The following AFAP1L2 variants were observed in gnomAD, a reference collection of about 807,000 sequenced individuals.
AFAP1L2 encodes the protein actin filament-associated protein 1-like 2.
Under a neutral mutation model 99.3 loss-of-function variants are expected in AFAP1L2, and 46 were observed. That is an observed-to-expected ratio of 0.46 (90% CI 0.37 to 0.59). The LOEUF is 0.59. AFAP1L2 is among the 20% of genes least tolerant of loss of function. The probability of loss-of-function intolerance (pLI) is 0.00; values close to 1 mark genes in which losing one functional copy is unlikely to be tolerated. For synonymous variants in AFAP1L2, 397 were observed against 419.1 expected (o/e 0.95, Z 0.64); for missense variants, 959 against 1,034.9 (o/e 0.93, Z 1.01).
chr10:114,316,005 A>T (rs2044078106), intron 5 of AFAP1L2, among the ~76,000 whole-genome samples: 1 of 152,088 alleles, frequency 6.6e-6, no homozygotes. Context: ...ATAACTGAAA[A>T]CCAAAGTCTC....
intron 2 of AFAP1L2, among the ~76,000 whole-genome samples, chr10:114,335,751 T>C (rs779503163): frequency 1.3e-5 from 2 of 151,904 alleles, no homozygotes; most frequent in Non-Finnish European, 2.9e-5. Flanking sequence ...AGACCTAGAG[T>C]TTAATTATAA....
chr10:114,317,023 A>G (rs889514332), intron 5 of AFAP1L2, among the ~76,000 whole-genome samples: 5 of 152,208 alleles, frequency 3.3e-5, no homozygotes, highest in African/African-American at 1.2e-4. Context: ...AGGCTGAATG[A>G]CACTCTGCCT....
chr10:114,298,711 T>C (rs1166515903), intron 16 of AFAP1L2, among the ~76,000 whole-genome samples: 4 of 152,190 alleles, frequency 2.6e-5, no homozygotes, highest in South Asian at 2.1e-4. Flanking sequence ...AAATTTTAAA[T>C]GCAGCAGATT....
intron 8 of AFAP1L2, 94 bp from the exon 9 acceptor site, chr10:114,308,611 T>A: frequency 8.7e-7 from 1 of 1,149,908 alleles, no homozygotes; most frequent in East Asian, 2.4e-5. Context: ...GGCTCTTGGT[T>A]GTATGCCAGA....
intron 4 of AFAP1L2, among the ~76,000 whole-genome samples, chr10:114,326,621 T>C (rs1201676743): frequency 2.6e-5 from 4 of 152,252 alleles, no homozygotes. Context: ...CACTGCAAAA[T>C]CTGAAAATGG....
the AFAP1L2 span, among the ~76,000 whole-genome samples, chr10:114,282,868 A>G: frequency 6.6e-6 from 1 of 152,224 alleles, no homozygotes; most frequent in Non-Finnish European, 1.5e-5. Context: ...CAAAGCCAGC[A>G]CCAAACTCAG....
intron 1 of AFAP1L2, among the ~76,000 whole-genome samples, chr10:114,400,962 T>A (rs1391151236): frequency 6.6e-6 from 1 of 152,228 alleles, no homozygotes; most frequent in African/African-American, 2.4e-5. Context: ...AGATGATTCC[T>A]GAAGGTAGCA....
At chr10:114,300,820 G>A in intron 13 of AFAP1L2, 130 bp from the exon 14 acceptor site, 1 of 1,307,834 alleles carries the variant, frequency 7.6e-7, no homozygotes, top group Non-Finnish European at 1.0e-6. Context: ...CTCCCTGCTG[G>A]GGGGGCCACT....
chr10:114,371,456 C>A (rs1027847377), intron 1 of AFAP1L2, among the ~76,000 whole-genome samples: 1 of 151,810 alleles, frequency 6.6e-6, no homozygotes, highest in Non-Finnish European at 1.5e-5. Context: ...ATCAGTCCCC[C>A]GCGAAAAAAA....
chr10:114,315,860 G>T, intron 5 of AFAP1L2, 95 bp from the exon 6 acceptor site: 1 of 1,226,310 alleles, frequency 8.2e-7, no homozygotes. Flanking sequence ...AGCAGCAGCA[G>T]CCAGACCACA....
downstream of AFAP1L2, chr10:114,291,386 A>G (rs1031505954): frequency 5.6e-6 from 5 of 900,046 alleles, no homozygotes; most frequent in Non-Finnish European, 8.1e-6. Context: ...CAGGACCACT[A>G]TTCTCACTGA....
At position 114,313,986 on chromosome 10, in the gene AFAP1L2, A is replaced by G. The variant is rs2043693014; in HGVS notation, c.677T>C (p.Ile226Thr). 2 of 1,613,954 alleles carry G rather than the reference A, an allele frequency of 1.2e-6. No individual in the cohort carries two copies. Among genetic ancestry groups the G allele is most frequent in the Non-Finnish European group, 1.7e-6 (2 of 1,180,026 alleles). ...CTTCCGCACTTGCTTCTCCTTGTGA[A>G]TGACGCTGCTGCCCAGTAGGTTCAC... Reference protein sequence around the residue: ...LDVNLLGSSVIHKEKQVRKKE... With the variant: ...LDVNLLGSSVTHKEKQVRKKE... Residue 226 changes from isoleucine (I) to threonine (T), a missense_variant, in exon 7 of 19, where the codon ATT becomes ACT. Coordinates refer to ENST00000304129, the MANE Select transcript of AFAP1L2 (RefSeq NM_001001936.3).
In AFAP1L2 at chr10:114,324,786, C is replaced by T. The variant is rs538938271; in HGVS notation, c.316-1525G>A. On this transcript the variant is annotated intron_variant, in intron 4 of 18. Coordinates refer to ENST00000304129, the MANE Select transcript of AFAP1L2 (RefSeq NM_001001936.3). ...ATGGAAGCAGCAGCCAATGGAAGGA[C>T]GCTGCAGTGCCCTGAGCTCAGGTGG... Among the ~76,000 whole-genome samples the T allele has an allele frequency of 2.0e-4, 30 of 152,260 alleles. No individual in the cohort carries two copies. In the South Asian group the frequency reaches 4.4e-3, roughly 22 times the overall value.
At chr10:114,404,787 A>C, upstream of AFAP1L2, 1 of 275,140 alleles carries the variant, frequency 3.6e-6, no homozygotes, top group Non-Finnish European at 6.7e-6. Context: ...GGGGGCGTCG[A>C]GAGGGAACGA....
At chr10:114,300,822 G>A in intron 13 of AFAP1L2, 132 bp from the exon 14 acceptor site, 20 of 1,238,632 alleles carry the variant, frequency 1.6e-5, no homozygotes, top group Non-Finnish European at 2.0e-5. Flanking sequence ...CCCTGCTGGG[G>A]GGGCCACTGG....
intron 1 of AFAP1L2, among the ~76,000 whole-genome samples, chr10:114,374,551 T>C (rs374031978): frequency 2.6e-5 from 4 of 152,204 alleles, no homozygotes; most frequent in Admixed American, 6.5e-5. Flanking sequence ...TGATGAGCCA[T>C]TCTCCCTGGT....
In AFAP1L2 at chr10:114,294,909, A is replaced by G. The variant is rs2039946979; in HGVS notation, c.*1133T>C. 1 of 981,064 alleles carries G rather than the reference A, an allele frequency of 1.0e-6. No homozygotes were observed. The highest frequency in any genetic ancestry group is 6.2e-5 in the Admixed American group (1 of 16,036). 60.8% of individuals were successfully genotyped at this position (981,064 alleles called of 1,614,324 possible). A position where few individuals can be genotyped will look rare whatever the true frequency, so the allele number is the denominator to read the frequency against. On this transcript the variant is annotated 3_prime_UTR_variant, in exon 19 of 19. Transcript: ENST00000304129. The stretch of plus-strand genomic sequence containing the variant: ...TCACCAAATGTTTATGAGAGAGGAA[A>G]TAAGAATAAAAAAGACATTTAGTTC...
chr10:114,298,727 G>A (rs930979280), intron 16 of AFAP1L2, among the ~76,000 whole-genome samples: 6 of 152,122 alleles, frequency 3.9e-5, no homozygotes, highest in Non-Finnish European at 7.3e-5. Flanking sequence ...AGATTGCCAG[G>A]AAATAGCTGT....
intron 10 of AFAP1L2, among the ~76,000 whole-genome samples, chr10:114,305,706 T>TGGA (rs2042184371): frequency 3.1e-5 from 2 of 63,678 alleles, no homozygotes; most frequent in Non-Finnish European, 6.1e-5. Context: ...GGAGCGGGGC[T>TGGA]GGAGGGGACG....
Sources: gnomAD v4.1 joint callset for allele counts (sites outside exome capture counted in the v4.1 genomes callset) on GRCh38, gnomAD v4.1.1 for gene constraint, MANE v1.5 for transcripts, NCBI Gene and HGNC (gene_info 2026-07-23, HGNC 2026-07-21) for gene names.